The following RTEL1 variants were observed in gnomAD, a reference collection of about 807,000 sequenced individuals.
The protein encoded by RTEL1 is regulator of telomere length.
RTEL1 carries 86 observed loss-of-function variants against 162.2 expected under a neutral mutation model. The ratio of observed to expected loss-of-function variants is 0.53; its 90% CI spans 0.45 to 0.63. RTEL1 has a LOEUF of 0.63. Among genes scored for constraint, RTEL1 ranks in the 30% least tolerant of loss-of-function variants. The pLI is 0.00. For synonymous variants in RTEL1, 958 were observed against 717.9 expected, an observed-to-expected ratio of 1.33 and a Z score of -5.35; for missense variants, 1,941 against 1,750.2, an observed-to-expected ratio of 1.11 and a Z score of -1.95.
At position 63,663,027 on chromosome 20, in the gene RTEL1, G is replaced by C. The variant is rs2090051877; in HGVS notation, c.538+138G>C. On this transcript the variant is annotated intron_variant, in intron 6 of 34. Transcript: ENST00000360203. ...GCCATGTACCTGGGCCCTGTCTTCT[G>C]ACTCGGGGCCACCCATGTTAGACTT... 6 of 789,058 alleles carry C rather than the reference G, an allele frequency of 7.6e-6. No individual in the cohort carries two copies. In the East Asian group the frequency reaches 1.3e-4, roughly 17 times the overall value. The allele number at this position is 789,058 out of a possible 1,614,324, so 48.9% of individuals were successfully genotyped here. A position where few individuals can be genotyped will look rare whatever the true frequency, so the allele number is the denominator to read the frequency against.
chr20:63,675,679 C>G lies in RTEL1; in HGVS notation c.919+1586C>G, dbSNP rs577266823. 4.6e-5 allele frequency among the ~76,000 whole-genome samples: 7 copies of G among 152,322 alleles called. No homozygotes were observed. The East Asian group carries it at 9.7e-4, about 21-fold the overall frequency. On this transcript the variant is annotated intron_variant, in intron 10 of 34. Transcript: ENST00000360203. ...CAGGTGTGCACCACTGCCACCGGCT[C>G]TCAAGATTGCCACGCAGGGAGTTGC...
chr20:63,677,421 C>T (rs2090377972), intron 10 of RTEL1, among the ~76,000 whole-genome samples: 1 of 152,194 alleles, frequency 6.6e-6, no homozygotes, highest in Non-Finnish European at 1.5e-5. Context: ...TTAAGACCAG[C>T]CTGAGCAACA....
chr20:63,692,825 A>G lies in RTEL1; in HGVS notation c.2673A>G (p.Ala891=). Residue 891 remains alanine, a synonymous_variant, in exon 29 of 35, where the codon GCA becomes GCG. Transcript: ENST00000360203. ...TGCAGGAGGAGCCCGTGGCTGGTGCACAGACGGACAGGGCCAAGCTCTTCA... is the reference window on the plus strand; with the variant it reads ...TGCAGGAGGAGCCCGTGGCTGGTGCGCAGACGGACAGGGCCAAGCTCTTCA... The part of the protein sequence containing the change: ...VSHPEEPVAG[A]QTDRAKLFMV... 2 of 1,612,146 alleles carry G rather than the reference A, an allele frequency of 1.2e-6. No individual in the cohort carries two copies. Among genetic ancestry groups the G allele is most frequent in the Non-Finnish European group, 1.7e-6 (2 of 1,179,574 alleles).
chr20:63,694,703 C>T (rs762298670), intron 31 of RTEL1, 38 bp from the exon 32 acceptor site: 1 of 1,527,080 alleles, frequency 6.5e-7, no homozygotes. Flanking sequence ...CAGTCCTCCA[C>T]CCCAGCGCCA....
chr20:63,665,423 CT>C (rs2090107160), intron 6 of RTEL1: 1 of 152,970 alleles, frequency 6.5e-6, no homozygotes, highest in Non-Finnish European at 1.5e-5. Context: ...CTTCTGAAGC[CT>C]TTTCTGCCCG....
Position 63,688,322 on chromosome 20 carries a change from C to T in RTEL1, c.1658C>T (p.Pro553Leu). The change falls in exon 20 of 35, where the codon CCC becomes CTC. Residue 553 changes from proline (P) to leucine (L), a missense_variant. Physicochemically the swap from Pro to Leu is moderately conservative, Grantham distance 98 (BLOSUM62 -3). Transcript: ENST00000360203. ...CCAGGCAACATCGCCCGCGTGGTGC[C>T]CTATGGGCTCCTGATCTTCTTCCCT... ...KALGNIARVV[P>L]YGLLIFFPSY... is the part of the protein sequence containing the mutation. The T allele has an allele frequency of 6.2e-7, 1 of 1,612,560 alleles. No individual in the cohort carries two copies. Among genetic ancestry groups the T allele is most frequent in the Non-Finnish European group, 8.5e-7 (1 of 1,179,968 alleles).
intron 12 of RTEL1, among the ~76,000 whole-genome samples, chr20:63,679,397 C>T (rs995374132): frequency 6.6e-6 from 1 of 152,198 alleles, no homozygotes; most frequent in Non-Finnish European, 1.5e-5. Context: ...CACTGTCACT[C>T]TCCAAAGCTT....
At position 63,661,385 on chromosome 20, in the gene RTEL1, C is replaced by T. The variant is rs368311594; in HGVS notation, c.190C>T (p.Arg64Ter). 6.2e-7 allele frequency: 1 copy of T among 1,613,900 alleles called. No homozygotes were observed. The highest frequency in any genetic ancestry group is 8.5e-7 in the Non-Finnish European group (1 of 1,180,046). ...CTTLAWREHLRDGISARKIAE... is the reference protein window; with the variant it reads ...CTTLAWREHL ...CACGCTGGCCTGGCGAGAACACCTC[C>T]GAGACGGCATCTCTGCCCGCAAGAT... is the stretch of plus-strand genomic sequence containing the variant. The change falls in exon 3 of 35, where the codon CGA (arginine) becomes TGA (stop). Residue 64 changes from arginine (R) to a stop codon, truncating the protein, a stop_gained. Transcript: ENST00000360203. LOFTEE classifies it high-confidence loss of function. The surrounding 1 kb of genome is among the most constrained non-coding windows in gnomAD (Gnocchi z 5.1).
intron 28 of RTEL1, chr20:63,692,143 C>G (rs1378473054): frequency 1.2e-5 from 4 of 341,388 alleles, no homozygotes; most frequent in African/African-American, 6.4e-5. Context: ...ATGTGAGGGA[C>G]ACAGCCCATT....
rs1307688709 is a variant in RTEL1, at chr20:63,688,153, G to A, written c.1610G>A (p.Cys537Tyr). 5 of 1,612,284 alleles carry A rather than the reference G, an allele frequency of 3.1e-6. No homozygotes were observed. Among genetic ancestry groups the A allele is most frequent in the Non-Finnish European group, 3.4e-6 (4 of 1,179,990 alleles). Residue 537 changes from cysteine to tyrosine, a missense_variant, in exon 19 of 35, where the codon TGC (cysteine) becomes TAC (tyrosine). Transcript: ENST00000360203. Reference protein sequence around the residue: ...SAFDRRFSEECLSSLGKALGN... With the variant: ...SAFDRRFSEEYLSSLGKALGN... ...TCCGGCTCTAGGTTTTCCGAGGAGT[G>A]CTTATCCTCCCTGGGGAAGGCTCTG...
At chr20:63,681,357 C>T (rs141425504) in intron 14 of RTEL1, 100 of 985,194 alleles carry the variant, frequency 1.0e-4, no homozygotes, top group African/African-American at 3.7e-4. Flanking sequence ...TCCGGGGCCT[C>T]GGTGGCTTTT....
In RTEL1 at chr20:63,693,303, G is replaced by T. The variant is rs763328897; in HGVS notation, c.2992+20G>T. On this transcript the variant is annotated intron_variant, in intron 30 of 34. Transcript: ENST00000360203. The stretch of plus-strand genomic sequence containing the variant: ...CCACTGGTAAATGGGGCCCCAGGTG[G>T]GACCCTCAGACTCCTGCGTGGAAGG... The T allele has an allele frequency of 1.9e-6, 3 of 1,610,776 alleles. No homozygotes were observed. Among genetic ancestry groups the T allele is most frequent in the Non-Finnish European group, 1.7e-6 (2 of 1,179,158 alleles).
At position 63,681,473 on chromosome 20, in the gene RTEL1, A is replaced by G. The variant is rs779647016; in HGVS notation, c.1191+754A>G. 1.6e-5 allele frequency: 16 copies of G among 985,076 alleles called. No homozygotes were observed. The African/African-American group carries it at 2.1e-4, about 13-fold the overall frequency. 61.0% of individuals were successfully genotyped at this position (985,076 alleles called of 1,614,324 possible). On this transcript the variant is annotated intron_variant, in intron 14 of 34. Transcript: ENST00000360203. ...GCTGCCCACGCTGTACCTGCTGGCC[A>G]CACGAGATCATGGCAGGGTTAGGCA...
intron 12 of RTEL1, among the ~76,000 whole-genome samples, chr20:63,679,391 G>C (rs1335556616): frequency 6.6e-6 from 1 of 152,130 alleles, no homozygotes; most frequent in Non-Finnish European, 1.5e-5. Flanking sequence ...CCCCATCACT[G>C]TCACTCTCCA....
intron 6 of RTEL1, 123 bp from the exon 7 acceptor site, chr20:63,665,880 CG>C (rs1304511860): frequency 2.1e-5 from 17 of 798,924 alleles, no homozygotes; most frequent in Non-Finnish European, 3.2e-5. Context: ...GGCGCGTTCA[CG>C]GTTGGTGGGG....
In RTEL1 at chr20:63,693,498, TCCA is replaced by T. The variant is rs1568720358; in HGVS notation, c.2992+224_2992+226del. ...CTCCACCTCCACCACCACCTCCACC[TCCA>T]CCACCACCTCCTCCACCACCACCAC... On this transcript the variant is annotated intron_variant, in intron 30 of 34. Coordinates refer to ENST00000360203, the MANE Select transcript of RTEL1 (RefSeq NM_001283009.2). Among the ~76,000 whole-genome samples, 194 of 4,392 alleles carry T rather than the reference TCCA, an allele frequency of 0.044. 27 individuals carry two copies. Among genetic ancestry groups the T allele is most frequent in the Admixed American group, 0.062 (16 of 258 alleles). The allele number at this position is 4,392 out of a possible 152,430, so 2.9% of individuals were successfully genotyped here.
At chr20:63,658,701 C>G (rs1003834144) in intron 1 of RTEL1, 2 of 152,554 alleles carry the variant, frequency 1.3e-5, no homozygotes, top group East Asian at 1.9e-4. Context: ...TTCAGTGTGT[C>G]CGCGTCTGTT....
intron 10 of RTEL1, among the ~76,000 whole-genome samples, chr20:63,676,968 ATGTT>A (rs2090366502): frequency 6.6e-6 from 1 of 152,168 alleles, no homozygotes; most frequent in South Asian, 2.1e-4. Context: ...TCATCACTGA[ATGTT>A]TGTGTGTGAA....
At chr20:63,688,742 C>T (rs553279687) in intron 21 of RTEL1, 137 bp downstream of exon 21, 40 of 738,506 alleles carry the variant, frequency 5.4e-5, no homozygotes, top group Non-Finnish European at 7.8e-5. Flanking sequence ...TCCTGCGTTT[C>T]CTTCCTGGCC....
Sources: allele counts gnomAD v4.1 joint callset (sites outside exome capture counted in the v4.1 genomes callset), GRCh38; gene constraint gnomAD v4.1.1; non-coding constraint Gnocchi (gnomAD v3.1); transcripts MANE v1.5; gene names NCBI Gene and HGNC (gene_info 2026-07-23, HGNC 2026-07-21).